The following DOCK1 variants were observed in gnomAD, a reference collection of about 807,000 sequenced individuals.
The protein encoded by DOCK1 is dedicator of cytokinesis protein 1.
Under a neutral mutation model 262.7 loss-of-function variants are expected in DOCK1, and 138 were observed. The ratio of observed to expected loss-of-function variants is 0.53; its 90% CI spans 0.46 to 0.61. The LOEUF (loss-of-function observed/expected upper bound fraction) is 0.61. DOCK1 is among the 20% of genes least tolerant of loss of function. The probability of loss-of-function intolerance (pLI) is 0.00; values close to 1 mark genes in which losing one functional copy is unlikely to be tolerated. For missense variants in DOCK1, 1,908 were observed against 2,370.7 expected (o/e 0.80, Z 4.05); for synonymous variants, 866 against 867.4 (o/e 1.00, Z 0.03).
At chr10:127,378,602 G>A (rs534454060) in intron 35 of DOCK1, among the ~76,000 whole-genome samples, 20 of 152,258 alleles carry the variant, frequency 1.3e-4, no homozygotes, top group South Asian at 6.2e-4. Flanking sequence ...AAGACATTTC[G>A]TATCTCCGAG....
chr10:127,120,586 G>A lies in DOCK1; in HGVS notation c.2624-4888G>A, dbSNP rs576867768. On this transcript the variant is annotated intron_variant, in intron 25 of 51. Transcript: ENST00000623213. ...TTACAGCACATCTCTGTTTGGATGTGAAATTTTCACCAGACACTTGATCTT... is the reference window on the plus strand; with the variant it reads ...TTACAGCACATCTCTGTTTGGATGTAAAATTTTCACCAGACACTTGATCTT... Among the ~76,000 whole-genome samples, 4 of 152,246 alleles carry A rather than the reference G, an allele frequency of 2.6e-5. No individual in the cohort carries two copies. The East Asian group carries it at 7.7e-4, about 29-fold the overall frequency.
At chr10:127,065,873 G>T (rs2045838824) in intron 23 of DOCK1, among the ~76,000 whole-genome samples, 1 of 151,676 alleles carries the variant, frequency 6.6e-6, no homozygotes, top group African/African-American at 2.4e-5. Flanking sequence ...AATGATAAAA[G>T]AAAAGACCTG....
intron 27 of DOCK1, among the ~76,000 whole-genome samples, chr10:127,242,346 A>G (rs1203825713): frequency 6.6e-6 from 1 of 151,508 alleles, no homozygotes; most frequent in Non-Finnish European, 1.5e-5. Context: ...TGTTTTTTGG[A>G]CTCCCTGTTT....
chr10:127,244,955 T>G (rs1459290900), intron 27 of DOCK1, among the ~76,000 whole-genome samples: 1 of 152,230 alleles, frequency 6.6e-6, no homozygotes, highest in Non-Finnish European at 1.5e-5. Context: ...ATAGTAATTT[T>G]CTTCTGAGCA....
intron 29 of DOCK1, among the ~76,000 whole-genome samples, chr10:127,288,825 A>G (rs1200858702): frequency 1.3e-5 from 2 of 151,718 alleles, no homozygotes; most frequent in East Asian, 3.9e-4. Flanking sequence ...GTTTCAGAAT[A>G]ACAATACCAA....
At chr10:127,117,879 G>A (rs1032235184) in intron 25 of DOCK1, among the ~76,000 whole-genome samples, 1 of 152,116 alleles carries the variant, frequency 6.6e-6, no homozygotes, top group Non-Finnish European at 1.5e-5. Flanking sequence ...ACTAGCCTGG[G>A]ACAGTGGAAA....
intron 29 of DOCK1, among the ~76,000 whole-genome samples, chr10:127,316,902 T>C (rs2720981): frequency 0.21 from 32,469 of 151,714 alleles, 4,281 homozygotes; most frequent in African/African-American, 0.38. Flanking sequence ...ACACCCCCTC[T>C]CCAACACTAA....
chr10:127,017,871 G>A (rs1366065274), intron 12 of DOCK1, among the ~76,000 whole-genome samples: 2 of 152,218 alleles, frequency 1.3e-5, no homozygotes, highest in Non-Finnish European at 2.9e-5. Flanking sequence ...GTTGGAATGT[G>A]TGGCTTGTTT....
intron 49 of DOCK1, among the ~76,000 whole-genome samples, chr10:127,442,001 C>T (rs2070192668): frequency 6.6e-6 from 1 of 152,120 alleles, no homozygotes; most frequent in African/African-American, 2.4e-5. Context: ...AGCACATTCA[C>T]CTTCAGAGAG....
Position 127,165,508 on chromosome 10 carries a change from G to A in DOCK1, c.2847+37744G>A, listed in dbSNP as rs149037329. 2.1e-3 allele frequency among the ~76,000 whole-genome samples: 316 copies of A among 152,210 alleles called. 2 individuals carry two copies. The highest frequency in any genetic ancestry group is 7.3e-3 in the African/African-American group (302 of 41,530). On this transcript the variant is annotated intron_variant, in intron 27 of 51. Transcript: ENST00000623213. ...CTGCCTTTTTGGTTGAAGGATGCTCGTTGTTAGATCATTTTTTCCCCCAGG... is the reference window on the plus strand; with the variant it reads ...CTGCCTTTTTGGTTGAAGGATGCTCATTGTTAGATCATTTTTTCCCCCAGG...
intron 4 of DOCK1, among the ~76,000 whole-genome samples, chr10:126,982,338 G>T (rs1468082682): frequency 6.6e-6 from 1 of 152,128 alleles, no homozygotes; most frequent in African/African-American, 2.4e-5. Flanking sequence ...GACATTGCAG[G>T]CTGTGATATA....
rs2040338164 is a variant in DOCK1, at chr10:126,998,076, T to G, written c.610-16T>G. On this transcript the variant is annotated splice_polypyrimidine_tract_variant and intron_variant, in intron 7 of 51. Transcript: ENST00000623213. ...AGTGTTGCTGGGGTTGACTTTCTGT[T>G]TCCTTCCATACACAGTCTCAAAAGC... 6.2e-7 allele frequency: 1 copy of G among 1,613,638 alleles called. No homozygotes were observed. The highest frequency in any genetic ancestry group is 8.5e-7 in the Non-Finnish European group (1 of 1,179,636).
At chr10:127,443,033 A>G (rs1253524764) in intron 49 of DOCK1, among the ~76,000 whole-genome samples, 1 of 152,184 alleles carries the variant, frequency 6.6e-6, no homozygotes, top group Non-Finnish European at 1.5e-5. Context: ...AGGCGTCGGC[A>G]GGGCTGATTC....
At chr10:127,119,970 C>G (rs1395258088) in intron 25 of DOCK1, among the ~76,000 whole-genome samples, 5 of 152,212 alleles carry the variant, frequency 3.3e-5, no homozygotes, top group Admixed American at 2.0e-4. Context: ...GGCTTCGGCC[C>G]TTGCAGCTGA....
chr10:127,003,888 A>G (rs946871819), intron 10 of DOCK1, among the ~76,000 whole-genome samples: 3 of 152,058 alleles, frequency 2.0e-5, no homozygotes, highest in Admixed American at 6.5e-5. Flanking sequence ...TGGGAGGCGG[A>G]GGTTGCAGTG....
chr10:127,018,769 C>T lies in DOCK1; in HGVS notation c.1261C>T (p.Pro421Ser). 1 of 1,613,986 alleles carries T rather than the reference C, an allele frequency of 6.2e-7. No homozygotes were observed. Among genetic ancestry groups the T allele is most frequent in the Non-Finnish European group, 8.5e-7 (1 of 1,179,900 alleles). Residue 421 changes from proline (P) to serine (S), a missense_variant, in exon 13 of 52, where the codon CCG (proline) becomes TCG (serine). Coordinates refer to ENST00000623213, the MANE Select transcript of DOCK1 (RefSeq NM_001290223.2). The stretch of plus-strand genomic sequence containing the variant: ...TATCCATCAGATCCGAAAAGAGTTT[C>T]CGCATTTAGTGGACAGGACCACAGC... ...GDIHQIRKEF[P>S]HLVDRTTAVA...
At chr10:127,326,818 C>T (rs1380715487) in intron 29 of DOCK1, among the ~76,000 whole-genome samples, 2 of 152,182 alleles carry the variant, frequency 1.3e-5, no homozygotes, top group East Asian at 3.8e-4. Context: ...ACTTGAAAGT[C>T]AAAATTGCTC....
chr10:127,052,970 G>A (rs2135741517), intron 22 of DOCK1, among the ~76,000 whole-genome samples, 155 bp downstream of exon 22: 2 of 151,902 alleles, frequency 1.3e-5, no homozygotes, highest in Middle Eastern at 6.8e-3. Flanking sequence ...TGTTGATCCT[G>A]GGGTGAGCTG....
chr10:127,393,302 C>T (rs936159843), intron 38 of DOCK1, among the ~76,000 whole-genome samples: 3 of 152,208 alleles, frequency 2.0e-5, no homozygotes, highest in Non-Finnish European at 4.4e-5. Flanking sequence ...TCTGGCAAAA[C>T]CATGACCCGG....
Sources: gnomAD v4.1 joint callset for allele counts (sites outside exome capture counted in the v4.1 genomes callset) on GRCh38, gnomAD v4.1.1 for gene constraint, MANE v1.5 for transcripts, NCBI Gene and HGNC (gene_info 2026-07-23, HGNC 2026-07-21) for gene names.